Variants in TMEM223 observed in about 807,000 individuals in gnomAD.
TMEM223 encodes the protein transmembrane protein 223.
In TMEM223, 14 loss-of-function variants were observed where a neutral mutation model predicts 14.1. The observed-to-expected ratio is 0.99, with a 90% CI of 0.66 to 1.55. The LOEUF (loss-of-function observed/expected upper bound fraction) is 1.55. Ranked by LOEUF, TMEM223 falls within the 40% of genes most tolerant of loss-of-function variation. The pLI is 0.00. For missense variants in TMEM223, 346 were observed against 269.9 expected (o/e 1.28, Z -1.97); for synonymous variants, 145 against 120.5 (o/e 1.20, Z -1.33).
At chr11:62,785,708 TA>T (rs1299024681), downstream of TMEM223, among the ~76,000 whole-genome samples, 1 of 151,712 alleles carries the variant, frequency 6.6e-6, no homozygotes, top group Non-Finnish European at 1.5e-5. Context: ...CTAATTTTTG[TA>T]TTTTTAGTAG....
intron 1 of TMEM223, among the ~76,000 whole-genome samples, chr11:62,779,539 T>G (rs1207408349): frequency 2.0e-5 from 3 of 152,058 alleles, no homozygotes. Flanking sequence ...TTGGTCAGAC[T>G]GGTCTCGAAC....
At chr11:62,791,634 C>T in intron 1 of TMEM223, 45 bp downstream of exon 1, 2 of 1,481,902 alleles carry the variant, frequency 1.3e-6, no homozygotes, top group East Asian at 2.5e-5. Flanking sequence ...AGGTCGTGTC[C>T]CGCCACCCCA....
At chr11:62,774,702 A>C (rs2084172597) in intron 1 of TMEM223, 1 of 454,334 alleles carries the variant, frequency 2.2e-6, no homozygotes, top group Non-Finnish European at 4.4e-6. Context: ...TAGGCACTGC[A>C]GCCAAACTGG....
intron 1 of TMEM223, among the ~76,000 whole-genome samples, chr11:62,777,024 G>A (rs1042214314): frequency 6.6e-6 from 1 of 151,814 alleles, no homozygotes; most frequent in African/African-American, 2.4e-5. Context: ...GTGGGCGCCT[G>A]TAACCCCAGT....
chr11:62,789,293 G>C (rs1012454474), downstream of TMEM223: 1 of 1,614,098 alleles, frequency 6.2e-7, no homozygotes, highest in Admixed American at 1.7e-5. Flanking sequence ...CCCTTTCAGA[G>C]GTGCTATAGG....
Position 62,790,431 on chromosome 11 carries a change from G to T in TMEM223, c.*192C>A. The T allele has an allele frequency of 8.8e-6, 5 of 566,138 alleles. No homozygotes were observed. The highest frequency in any genetic ancestry group is 4.9e-5 in the South Asian group (2 of 41,026). The allele number at this position is 566,138 out of a possible 1,614,324, so 35.1% of individuals were successfully genotyped here. On this transcript the variant is annotated 3_prime_UTR_variant, in exon 2 of 2. Transcript: ENST00000307366. ...GTTGTTACTCCATTCTAAGATTGGCGTTTTTTTTTGTTTTTTTTTTTGTAA... is the reference window on the plus strand; with the variant it reads ...GTTGTTACTCCATTCTAAGATTGGCTTTTTTTTTTGTTTTTTTTTTTGTAA...
downstream of TMEM223, chr11:62,786,905 T>C (rs752831675): frequency 1.4e-5 from 22 of 1,521,294 alleles, no homozygotes; most frequent in African/African-American, 2.3e-4. Context: ...GCAAGCGCCA[T>C]AGTCAGCCCG....
Position 62,791,820 on chromosome 11 carries a change from A to T in TMEM223, c.175T>A (p.Trp59Arg), listed in dbSNP as rs1393610122. 1 of 1,585,898 alleles carries T rather than the reference A, an allele frequency of 6.3e-7. No individual in the cohort carries two copies. The highest frequency in any genetic ancestry group is 2.3e-5 in the East Asian group (1 of 43,442). The change falls in exon 1 of 2, where the codon TGG becomes AGG. Residue 59 changes from tryptophan (W) to arginine (R), a missense_variant. Trp to Arg is a moderately radical substitution (Grantham distance 101). Transcript: ENST00000307366. ...ACGGCTGCCACAGCCATGGAAGCCC[A>T]GAAGACGCCCTGGCCCGCGCAGAAC... ...GLFCAGQGVF[W>R]ASMAVAAVSR...
chr11:62,789,519 T>TCC, downstream of TMEM223: 1 of 1,590,598 alleles, frequency 6.3e-7, no homozygotes, highest in South Asian at 1.1e-5. Flanking sequence ...TCAGTTGCTC[T>TCC]CAACTCACAG....
At chr11:62,779,967 TATATATATA>T (rs1177400377) in intron 1 of TMEM223, among the ~76,000 whole-genome samples, 1 of 74,022 alleles carries the variant, frequency 1.4e-5, no homozygotes, top group Admixed American at 1.4e-4. Context: ...TATATATATA[TATATATATA>T]TTTTTTTTTT....
chr11:62,787,434 G>A (rs760615447), downstream of TMEM223: 5 of 1,564,126 alleles, frequency 3.2e-6, no homozygotes, highest in African/African-American at 4.1e-5. Context: ...AGGGCGCCAT[G>A]GCGCTGTCCT....
intron 1 of TMEM223, among the ~76,000 whole-genome samples, chr11:62,779,127 T>C (rs2084208856): frequency 6.6e-6 from 1 of 151,954 alleles, no homozygotes; most frequent in Admixed American, 6.6e-5. Flanking sequence ...TTCAAGTGAT[T>C]CTCCTGCCTC....
chr11:62,790,418 T>C lies in TMEM223; in HGVS notation c.*205A>G. 1 of 594,194 alleles carries C rather than the reference T, an allele frequency of 1.7e-6. No homozygotes were observed. Among genetic ancestry groups the C allele is most frequent in the Non-Finnish European group, 2.9e-6 (1 of 345,208 alleles). 36.8% of individuals were successfully genotyped at this position (594,194 alleles called of 1,614,324 possible). A position where few individuals can be genotyped will look rare whatever the true frequency, so the allele number is the denominator to read the frequency against. On this transcript the variant is annotated 3_prime_UTR_variant, in exon 2 of 2. Transcript: ENST00000307366. ...TTGTGTGACCCTGGTTGTTACTCCA[T>C]TCTAAGATTGGCGTTTTTTTTTGTT...
In TMEM223 at chr11:62,790,102, T is replaced by TC. The variant is rs201070100; in HGVS notation, c.*520dup. 3.3e-4 allele frequency: 433 copies of TC among 1,306,468 alleles called. No individual in the cohort carries two copies. Among genetic ancestry groups the TC allele is most frequent in the Middle Eastern group, 1.8e-3 (6 of 3,352 alleles). 80.9% of individuals were successfully genotyped at this position (1,306,468 alleles called of 1,614,324 possible). ...AGACTCCATGCCCAAGTGCCTGTAATCCCCCCCCTCAAGGCCCTGTTTATG... is the reference window on the plus strand; with the variant it reads ...AGACTCCATGCCCAAGTGCCTGTAATCCCCCCCCCTCAAGGCCCTGTTTATG... On this transcript the variant is annotated 3_prime_UTR_variant, in exon 2 of 2. Transcript: ENST00000307366.
At chr11:62,786,951 C>T (rs1219373706), downstream of TMEM223, 6 of 1,452,084 alleles carry the variant, frequency 4.1e-6, no homozygotes, top group Non-Finnish European at 5.4e-6. Context: ...GCGGCGGAGG[C>T]GGCCCCGCGT....
chr11:62,783,819 C>T (rs2134720540), downstream of TMEM223, among the ~76,000 whole-genome samples: 1 of 151,774 alleles, frequency 6.6e-6, no homozygotes, highest in East Asian at 2.0e-4. Context: ...AGGCATGAGC[C>T]ACCACGCCCA....
At chr11:62,775,597 C>A in intron 1 of TMEM223, 2 of 644,460 alleles carry the variant, frequency 3.1e-6, no homozygotes, top group African/African-American at 1.8e-5. Flanking sequence ...TCTTGACCCA[C>A]TGGCCAGTCT....
downstream of TMEM223, chr11:62,786,899 G>A (rs2084284332): frequency 6.5e-7 from 1 of 1,546,708 alleles, no homozygotes; most frequent in Non-Finnish European, 8.7e-7. Context: ...CTGACGGCAA[G>A]CGCCATAGTC....
At chr11:62,787,273 T>C (rs767026164), downstream of TMEM223, 6 of 1,551,814 alleles carry the variant, frequency 3.9e-6, no homozygotes, top group Non-Finnish European at 4.3e-6. Flanking sequence ...GCTCTCGGAC[T>C]ACTCGCTGTA....
Sources: gnomAD v4.1 joint callset for allele counts (sites outside exome capture counted in the v4.1 genomes callset) on GRCh38, gnomAD v4.1.1 for gene constraint, MANE v1.5 for transcripts, NCBI Gene and HGNC (gene_info 2026-07-23, HGNC 2026-07-21) for gene names.